The following LRTM1 variants were observed in gnomAD, a reference collection of about 807,000 sequenced individuals.
LRTM1 encodes leucine rich repeat transmembrane protein 1, also known as leucine-rich repeat and transmembrane domain-containing protein 1.
Under a neutral mutation model 32.4 loss-of-function variants are expected in LRTM1, and 38 were observed. The ratio of observed to expected loss-of-function variants is 1.17; its 90% CI spans 0.91 to 1.54. The LOEUF (loss-of-function observed/expected upper bound fraction) is 1.54, where lower values mean the gene tolerates loss of function less well. Ranked by LOEUF, LRTM1 falls within the 40% of genes most tolerant of loss-of-function variation. LRTM1 has a pLI of 0.00. For synonymous variants in LRTM1, 186 were observed against 169.9 expected (o/e 1.09, Z -0.74); for missense variants, 466 against 415.4 (o/e 1.12, Z -1.06).
chr3:54,958,010 A>G (rs1418156281), intron 1 of LRTM1, among the ~76,000 whole-genome samples: 6 of 152,182 alleles, frequency 3.9e-5, no homozygotes, highest in Admixed American at 2.6e-4. Flanking sequence ...AATAATTGAT[A>G]TCTCCATCCA....
chr3:54,922,845 T>G (rs1700894057), intron 2 of LRTM1, among the ~76,000 whole-genome samples: 1 of 152,086 alleles, frequency 6.6e-6, no homozygotes, highest in African/African-American at 2.4e-5. Context: ...TCTTTGCCCC[T>G]TGTCAGCTGA....
At chr3:54,939,387 A>G (rs765359589) in intron 1 of LRTM1, among the ~76,000 whole-genome samples, 9 of 152,052 alleles carry the variant, frequency 5.9e-5, no homozygotes, top group Admixed American at 1.3e-4. Context: ...CCTTTGAACT[A>G]CTCTGCGTTT....
At chr3:54,941,572 A>G (rs181605248) in intron 1 of LRTM1, among the ~76,000 whole-genome samples, 26 of 152,304 alleles carry the variant, frequency 1.7e-4, no homozygotes, top group South Asian at 4.1e-4. Flanking sequence ...GGGTTTTTCA[A>G]TATCTATCAT....
chr3:54,950,733 C>T (rs1191325886), intron 1 of LRTM1, among the ~76,000 whole-genome samples: 1 of 152,140 alleles, frequency 6.6e-6, no homozygotes, highest in Non-Finnish European at 1.5e-5. Flanking sequence ...GATGGGAAAT[C>T]CATCAGTTGA....
At chr3:54,940,548 C>T (rs1291050539) in intron 1 of LRTM1, among the ~76,000 whole-genome samples, 1 of 152,056 alleles carries the variant, frequency 6.6e-6, no homozygotes, top group Non-Finnish European at 1.5e-5. Context: ...TCCGTAAAGC[C>T]CCCTCCCCTT....
At chr3:54,944,337 A>C (rs1039225313) in intron 1 of LRTM1, among the ~76,000 whole-genome samples, 2 of 151,986 alleles carry the variant, frequency 1.3e-5, no homozygotes, top group South Asian at 2.1e-4. Flanking sequence ...CCCAACATAT[A>C]TCTTTCTACT....
At chr3:54,963,289 G>A (rs12494781) in intron 1 of LRTM1, among the ~76,000 whole-genome samples, 58,040 of 151,922 alleles carry the variant, frequency 0.38, 12,662 homozygotes, top group East Asian at 0.53. Context: ...TAGTATGGAC[G>A]GGTTTGTGGA....
At chr3:54,954,647 A>C (rs1465693595) in intron 1 of LRTM1, among the ~76,000 whole-genome samples, 1 of 152,148 alleles carries the variant, frequency 6.6e-6, no homozygotes, top group Non-Finnish European at 1.5e-5. Context: ...AGAGAGGACA[A>C]ACTGGCCCAG....
chr3:54,922,190 A>G (rs1367602818), intron 2 of LRTM1, among the ~76,000 whole-genome samples: 1 of 152,104 alleles, frequency 6.6e-6, no homozygotes, highest in Non-Finnish European at 1.5e-5. Context: ...TAAAACTATC[A>G]GTTTCCCTCT....
At chr3:54,962,258 A>G (rs1326195839) in intron 1 of LRTM1, among the ~76,000 whole-genome samples, 1 of 152,110 alleles carries the variant, frequency 6.6e-6, no homozygotes, top group Admixed American at 6.5e-5. Context: ...TTAATCCTGA[A>G]GGAAAAAGAT....
Position 54,918,455 on chromosome 3 carries a change from G to C in LRTM1, c.*4C>G, listed in dbSNP as rs771886151. ...ATGACCAATCCTATTTGAGACAAAA[G>C]CTCTCAGGCTGGTGAGCTGTCAAAT... On this transcript the variant is annotated 3_prime_UTR_variant, in exon 3 of 3. Coordinates refer to ENST00000273286, the MANE Select transcript of LRTM1 (RefSeq NM_020678.4). The C allele has an allele frequency of 1.3e-6, 2 of 1,593,628 alleles. No individual in the cohort carries two copies. The highest frequency in any genetic ancestry group is 1.7e-5 in the Admixed American group (1 of 58,242).
At chr3:54,926,182 C>T (rs1400796489) in intron 1 of LRTM1, among the ~76,000 whole-genome samples, 5 of 152,084 alleles carry the variant, frequency 3.3e-5, no homozygotes, top group Non-Finnish European at 5.9e-5. Context: ...TTAGTAATGA[C>T]AAAAATCTCA....
intron 2 of LRTM1, among the ~76,000 whole-genome samples, chr3:54,923,737 C>T (rs1234978385): frequency 1.3e-5 from 2 of 152,026 alleles, no homozygotes; most frequent in Non-Finnish European, 2.9e-5. Flanking sequence ...GGGTCAAGAC[C>T]CAAAAGCCAT....
chr3:54,945,797 A>G (rs1349387956), intron 1 of LRTM1, among the ~76,000 whole-genome samples: 1 of 152,150 alleles, frequency 6.6e-6, no homozygotes, highest in Non-Finnish European at 1.5e-5. Flanking sequence ...TCAGGCAGGG[A>G]CCAGGCAGGG....
At chr3:54,928,420 T>C (rs766876751), upstream of LRTM1, among the ~76,000 whole-genome samples, 10 of 152,298 alleles carry the variant, frequency 6.6e-5, no homozygotes, top group Non-Finnish European at 1.2e-4. Flanking sequence ...GGTTGGGGGA[T>C]GCTGGACGGG....
rs1364926432 is a variant in LRTM1, at chr3:54,955,743, G to A, written c.-222+11185C>T. The stretch of plus-strand genomic sequence containing the variant: ...CTGTCTACCGAGGGGGCTTTTTTGG[G>A]TATTGGCCCTGCTGAGAAGGAGTTG... On this transcript the variant is annotated intron_variant, in intron 1 of 2. Coordinates refer to the LRTM1 transcript ENST00000493075. 2.6e-5 allele frequency among the ~76,000 whole-genome samples: 4 copies of A among 152,094 alleles called. No individual in the cohort carries two copies. The East Asian group carries it at 5.8e-4, about 22-fold the overall frequency.
At chr3:54,953,812 G>A (rs1230209763) in intron 1 of LRTM1, among the ~76,000 whole-genome samples, 6 of 152,092 alleles carry the variant, frequency 3.9e-5, no homozygotes, top group African/African-American at 7.2e-5. Flanking sequence ...AAGTCAGTGC[G>A]CACAACCCTA....
chr3:54,941,528 TG>T (rs1701465982), intron 1 of LRTM1, among the ~76,000 whole-genome samples: 1 of 152,168 alleles, frequency 6.6e-6, no homozygotes, highest in Non-Finnish European at 1.5e-5. Flanking sequence ...CGGGATTATG[TG>T]GGTGAGCAGT....
chr3:54,929,908 TC>T (rs1701142821), upstream of LRTM1, among the ~76,000 whole-genome samples: 1 of 152,178 alleles, frequency 6.6e-6, no homozygotes, highest in South Asian at 2.1e-4. Context: ...AACTTAACAC[TC>T]CTTCTAAGAA....
Sources: allele counts gnomAD v4.1 joint callset (sites outside exome capture counted in the v4.1 genomes callset), GRCh38; gene constraint gnomAD v4.1.1; transcripts MANE v1.5; gene names NCBI Gene and HGNC (gene_info 2026-07-23, HGNC 2026-07-21).